Variants in NFKB1 observed in about 807,000 individuals in gnomAD.
NFKB1 encodes the protein nuclear factor NF-kappa-B p105 subunit.
Under a neutral mutation model 105.1 loss-of-function variants are expected in NFKB1, and 9 were observed. The observed-to-expected ratio is 0.09, with a 90% confidence interval of 0.05 to 0.15. NFKB1 has a LOEUF of 0.15. NFKB1 is among the 10% of genes least tolerant of loss of function. The pLI is 1.00. For missense variants in NFKB1, 830 were observed against 1,203.7 expected, an observed-to-expected ratio of 0.69 and a Z score of 4.59; for synonymous variants, 440 against 442.2, an observed-to-expected ratio of 1.00 and a Z score of 0.06.
chr4:102,532,143 C>T (rs1741330788), intron 3 of NFKB1, among the ~76,000 whole-genome samples: 1 of 152,072 alleles, frequency 6.6e-6, no homozygotes, highest in Non-Finnish European at 1.5e-5. Context: ...TTCATACAGA[C>T]AAAAGATGGT....
At chr4:102,560,997 G>A (rs773655442) in intron 5 of NFKB1, among the ~76,000 whole-genome samples, 12 of 152,198 alleles carry the variant, frequency 7.9e-5, no homozygotes, top group Non-Finnish European at 1.6e-4. Flanking sequence ...ACAGAGCTAG[G>A]AGGGGGAAAA....
chr4:102,536,349 C>T (rs745717982), intron 4 of NFKB1, among the ~76,000 whole-genome samples: 35 of 152,128 alleles, frequency 2.3e-4, no homozygotes, highest in Admixed American at 5.2e-4. Context: ...TGTTTTAGGT[C>T]TCACTGTGAT....
chr4:102,592,420 C>G (rs1449927728), intron 11 of NFKB1, among the ~76,000 whole-genome samples: 1 of 152,130 alleles, frequency 6.6e-6, no homozygotes, highest in African/African-American at 2.4e-5. Flanking sequence ...CACAACCACC[C>G]AGCCTTCAGT....
chr4:102,582,818 A>G, intron 9 of NFKB1, 48 bp from the exon 10 acceptor site: 2 of 1,205,040 alleles, frequency 1.7e-6, no homozygotes, highest in Non-Finnish European at 2.4e-6. Flanking sequence ...GTTTATAAAT[A>G]CTATTTACAC....
chr4:102,555,846 A>G (rs1400433490), intron 5 of NFKB1, among the ~76,000 whole-genome samples: 1 of 152,240 alleles, frequency 6.6e-6, no homozygotes, highest in African/African-American at 2.4e-5. Flanking sequence ...TAGAAATTTT[A>G]TATAGGAATG....
intron 6 of NFKB1, 99 bp from the exon 7 acceptor site, chr4:102,576,777 T>C: frequency 3.3e-6 from 4 of 1,223,120 alleles, no homozygotes; most frequent in Non-Finnish European, 4.6e-6. Context: ...TGAGGGCCTG[T>C]GTATTTTTTT....
chr4:102,543,189 C>G (rs1323651526), intron 5 of NFKB1, among the ~76,000 whole-genome samples: 9 of 152,102 alleles, frequency 5.9e-5, no homozygotes, highest in Non-Finnish European at 1.5e-5. Context: ...AAAAATCAAA[C>G]TGTGTTCCCT....
intron 2 of NFKB1, among the ~76,000 whole-genome samples, chr4:102,527,616 A>C (rs184298244): frequency 2.0e-3 from 307 of 152,308 alleles, no homozygotes; most frequent in Non-Finnish European, 3.3e-3. Flanking sequence ...TTTTCACATT[A>C]AGATGCTCCT....
intron 15 of NFKB1, among the ~76,000 whole-genome samples, chr4:102,600,548 G>T (rs972235957): frequency 2.6e-5 from 4 of 152,122 alleles, no homozygotes; most frequent in African/African-American, 4.8e-5. Flanking sequence ...GAAGAAAACC[G>T]CCCAAAGCCA....
In NFKB1 at chr4:102,607,712, A is replaced by G. The variant is rs765730757; in HGVS notation, c.2188A>G (p.Arg730Gly). The G allele has an allele frequency of 6.2e-7, 1 of 1,614,054 alleles. No homozygotes were observed. Among genetic ancestry groups the G allele is most frequent in the African/African-American group, 1.3e-5 (1 of 74,930 alleles). ...GTTPLHIAAG[R>G]GSTRLAALLK... ...CACACCCCTGCATATAGCAGCTGGG[A>G]GAGGGTCCACCAGGCTGGCAGCTCT... Residue 730 changes from arginine (R) to glycine (G), a missense_variant, in exon 19 of 24, where the codon AGA becomes GGA. Arg to Gly is a moderately radical substitution (Grantham distance 125, BLOSUM62 -2). This residue lies in a region of NFKB1 where 418 missense variants were observed against 575.3 expected (regional missense o/e 0.73). Transcript: ENST00000226574.
At chr4:102,573,641 C>T (rs548492796) in intron 6 of NFKB1, among the ~76,000 whole-genome samples, 1 of 151,656 alleles carries the variant, frequency 6.6e-6, no homozygotes, top group Non-Finnish European at 1.5e-5. Flanking sequence ...CTGTCCACTC[C>T]TCTTCATCTT....
intron 1 of NFKB1, among the ~76,000 whole-genome samples, chr4:102,522,372 A>G (rs1453866494): frequency 6.6e-6 from 1 of 152,190 alleles, no homozygotes; most frequent in Non-Finnish European, 1.5e-5. Flanking sequence ...TCAAATTTTA[A>G]CTATCACCCA....
rs754219657 is a variant in NFKB1 at position 102,537,947 on chromosome 4, T to C, written c.249T>C (p.Pro83=). ...GTGAAAAGAACAAGAAGTCTTACCC[T>C]CAGGTCAAAGTAAGTTTGTGGTAGC... The part of the protein sequence containing the change: ...ASSEKNKKSY[P]QVKICNYVGP... Residue 83 remains proline (P), a synonymous_variant, in exon 5 of 24, where the codon CCT becomes CCC. Coordinates refer to ENST00000226574, the MANE Select transcript of NFKB1 (RefSeq NM_003998.4). 4 of 1,603,128 alleles carry C rather than the reference T, an allele frequency of 2.5e-6. No individual in the cohort carries two copies. The highest frequency in any genetic ancestry group is 3.4e-6 in the Non-Finnish European group (4 of 1,170,408).
At chr4:102,568,430 G>A (rs1724055473) in intron 6 of NFKB1, among the ~76,000 whole-genome samples, 2 of 152,158 alleles carry the variant, frequency 1.3e-5, no homozygotes, top group South Asian at 2.1e-4. Flanking sequence ...ATCATGTGTT[G>A]TGGAATACCC....
chr4:102,574,125 C>CTTTTTTTTTTTT (rs56977004), intron 6 of NFKB1, among the ~76,000 whole-genome samples: 4 of 93,252 alleles, frequency 4.3e-5, no homozygotes, highest in Admixed American at 1.1e-4. Flanking sequence ...TCTTGGATTC[C>CTTTTTTTTTTTT]TTTTTTTTTT....
intron 1 of NFKB1, among the ~76,000 whole-genome samples, chr4:102,518,032 G>A (rs147744757): frequency 3.2e-4 from 49 of 152,270 alleles, no homozygotes; most frequent in Non-Finnish European, 5.9e-4. Flanking sequence ...CTGTCATTCA[G>A]AGGTGAAGCA....
Position 102,577,046 on chromosome 4 carries a change from A to G in NFKB1, c.571+7A>G, listed in dbSNP as rs768984306. The stretch of plus-strand genomic sequence containing the variant: ...GGGGACCGGCAGCTGGGAGGTAAGC[A>G]TCATTTTCCTGGCCTTGATCCTCCA... On this transcript the variant is annotated splice_region_variant and intron_variant, in intron 7 of 23. Coordinates refer to ENST00000226574, the MANE Select transcript of NFKB1 (RefSeq NM_003998.4). 1.1e-5 allele frequency: 17 copies of G among 1,606,680 alleles called. No individual in the cohort carries two copies. The highest frequency in any genetic ancestry group is 6.9e-5 in the Admixed American group (4 of 57,970).
intron 3 of NFKB1, among the ~76,000 whole-genome samples, 191 bp from the exon 4 acceptor site, chr4:102,533,654 T>G (rs1362690109): frequency 6.6e-6 from 1 of 152,192 alleles, no homozygotes; most frequent in Non-Finnish European, 1.5e-5. Flanking sequence ...AAAACTATTG[T>G]TAAAATAAGG....
At chr4:102,595,522 T>C (rs974518463) in intron 13 of NFKB1, among the ~76,000 whole-genome samples, 2 of 152,234 alleles carry the variant, frequency 1.3e-5, no homozygotes, top group African/African-American at 4.8e-5. Flanking sequence ...TTAACTGTTA[T>C]CTTCATGACT....
Sources: allele counts gnomAD v4.1 joint callset (sites outside exome capture counted in the v4.1 genomes callset), GRCh38; gene constraint gnomAD v4.1.1; regional missense constraint gnomAD v4.1.1; transcripts MANE v1.5; gene names NCBI Gene and HGNC (gene_info 2026-07-23, HGNC 2026-07-21).